The following CTPS2 variants were observed in gnomAD, a reference collection of about 807,000 sequenced individuals.
CTPS2 encodes CTP synthase II.
CTPS2 carries 19 observed loss-of-function variants against 46.8 expected under a neutral mutation model. The observed-to-expected ratio is 0.41, with a 90% confidence interval of 0.28 to 0.60. The LOEUF (loss-of-function observed/expected upper bound fraction) is 0.60. CTPS2 is among the 20% of genes least tolerant of loss of function. The pLI is 0.35. For synonymous variants in CTPS2, 151 were observed against 165.2 expected, an observed-to-expected ratio of 0.91 and a Z score of 0.66; for missense variants, 286 against 447.6, an observed-to-expected ratio of 0.64 and a Z score of 3.26.
intron 16 of CTPS2, 49 bp downstream of exon 16, chrX:16,617,101 C>T (rs750203421): frequency 3.8e-5 from 39 of 1,029,333 alleles, no homozygotes; most frequent in Non-Finnish European, 5.0e-5. Flanking sequence ...CTGTGGTCCA[C>T]AAAAAGGCAA....
chrX:16,599,808 T>G (rs1460734924), intron 17 of CTPS2, among the ~76,000 whole-genome samples: 2 of 101,817 alleles, frequency 2.0e-5, no homozygotes, highest in Non-Finnish European at 3.9e-5. Context: ...TGACACACAG[T>G]CTCACTCTGG....
intron 17 of CTPS2, among the ~76,000 whole-genome samples, chrX:16,593,646 A>C (rs1257443781): frequency 1.0e-5 from 1 of 98,867 alleles, no homozygotes; most frequent in Non-Finnish European, 2.0e-5. Context: ...TTGCATGCTC[A>C]CTTCCTTCTC....
At chrX:16,613,949 G>A (rs184079023) in intron 16 of CTPS2, among the ~76,000 whole-genome samples, 1 of 111,289 alleles carries the variant, frequency 9.0e-6, no homozygotes, top group East Asian at 2.8e-4. Context: ...GTGGGAGGTA[G>A]GGATGATAGT....
intron 10 of CTPS2, among the ~76,000 whole-genome samples, chrX:16,677,014 G>A (rs1290684929): frequency 2.9e-5 from 3 of 101,715 alleles, no homozygotes; most frequent in Non-Finnish European, 5.9e-5. Flanking sequence ...AGCCGAGATC[G>A]CACCACTGCA....
intron 8 of CTPS2, among the ~76,000 whole-genome samples, chrX:16,685,586 T>C (rs183766731): frequency 5.5e-5 from 6 of 108,310 alleles, no homozygotes; most frequent in Admixed American, 3.0e-4. Context: ...GGGCTGGGTG[T>C]GGTGGCTCAT....
chrX:16,597,722 T>G (rs1201866577), intron 17 of CTPS2, among the ~76,000 whole-genome samples: 2 of 111,392 alleles, frequency 1.8e-5, no homozygotes, highest in Non-Finnish European at 3.8e-5. Flanking sequence ...TTTTTCCAAT[T>G]CTGTGAAGAA....
At chrX:16,608,941 T>G (rs1203407576) in intron 17 of CTPS2, among the ~76,000 whole-genome samples, 1 of 111,440 alleles carries the variant, frequency 9.0e-6, no homozygotes, top group African/African-American at 3.3e-5. Context: ...GGGTTATTAT[T>G]TATATAATCT....
chrX:16,666,648 C>CA (rs1165713316), intron 13 of CTPS2, among the ~76,000 whole-genome samples: 4 of 110,180 alleles, frequency 3.6e-5, no homozygotes, highest in East Asian at 2.9e-4. Flanking sequence ...GAACTTGCCT[C>CA]AAAAAAACAC....
At chrX:16,626,754 T>C (rs1372595476) in intron 14 of CTPS2, among the ~76,000 whole-genome samples, 2 of 110,862 alleles carry the variant, frequency 1.8e-5, no homozygotes, top group Non-Finnish European at 3.8e-5. Flanking sequence ...AGCAGGTCTG[T>C]CTTCAGCTGC....
chrX:16,694,860 G>A (rs986889173), intron 4 of CTPS2, among the ~76,000 whole-genome samples: 4 of 111,766 alleles, frequency 3.6e-5, no homozygotes, highest in South Asian at 3.7e-4. Flanking sequence ...TGGGCATGGC[G>A]GCACGGCGCC....
intron 10 of CTPS2, among the ~76,000 whole-genome samples, chrX:16,672,134 G>A (rs1042272251): frequency 4.5e-5 from 5 of 111,318 alleles, no homozygotes; most frequent in African/African-American, 1.6e-4. Context: ...CTAAGAATAG[G>A]TTTGGCACTA....
At chrX:16,681,481 G>A (rs1347465944) in intron 9 of CTPS2, among the ~76,000 whole-genome samples, 1 of 111,709 alleles carries the variant, frequency 9.0e-6, no homozygotes, top group Non-Finnish European at 1.9e-5. Flanking sequence ...GTATCCAACT[G>A]GTAACAAGTG....
chrX:16,665,228 T>C (rs1312929099), intron 13 of CTPS2, among the ~76,000 whole-genome samples: 1 of 112,454 alleles, frequency 8.9e-6, no homozygotes, highest in African/African-American at 3.2e-5. Context: ...AAAACAGTCC[T>C]ACAGCTCCTC....
In CTPS2 at chrX:16,638,998, G is replaced by C. The variant is rs150074012; in HGVS notation, c.1393+149C>G. On this transcript the variant is annotated intron_variant, in intron 14 of 18. Coordinates refer to ENST00000359276, the MANE Select transcript of CTPS2 (RefSeq NM_175859.3). ...AATGCCCAGAGCAGAGGGTCAGTGA[G>C]GGCAGGGGAGATGGGAAGAGAGAGA... is the stretch of plus-strand genomic sequence containing the variant. 2.2e-5 allele frequency: 12 copies of C among 550,863 alleles called. No homozygotes were observed. In the South Asian group the frequency reaches 2.7e-4, roughly 13 times the overall value. 45.4% of individuals were successfully genotyped at this position (550,863 alleles called of 1,213,427 possible).
intron 13 of CTPS2, chrX:16,650,955 T>C: frequency 8.8e-7 from 1 of 1,130,962 alleles, no homozygotes; most frequent in Non-Finnish European, 1.2e-6. Flanking sequence ...CACAAAACTG[T>C]ACTTCAGCTT....
At chrX:16,593,256 C>T (rs1211202751) in intron 17 of CTPS2, among the ~76,000 whole-genome samples, 2 of 110,021 alleles carry the variant, frequency 1.8e-5, no homozygotes, top group East Asian at 5.7e-4. Context: ...GGTGAAACCC[C>T]AACTCTACTA....
intron 10 of CTPS2, among the ~76,000 whole-genome samples, chrX:16,673,521 G>A (rs1362907211): frequency 1.8e-4 from 20 of 110,278 alleles, no homozygotes; most frequent in Non-Finnish European, 3.8e-4. Context: ...TTGATATTTG[G>A]GTGCTTACAA....
intron 9 of CTPS2, 47 bp downstream of exon 9, chrX:16,683,047 A>C (rs1315591050): frequency 8.3e-7 from 1 of 1,199,614 alleles, no homozygotes; most frequent in Non-Finnish European, 1.1e-6. Flanking sequence ...AACATGTGCT[A>C]TTGGCATGAA....
intron 14 of CTPS2, among the ~76,000 whole-genome samples, chrX:16,630,488 A>G (rs1931406115): frequency 1.8e-5 from 2 of 110,289 alleles, no homozygotes; most frequent in South Asian, 7.8e-4. Context: ...TCCCAACCTC[A>G]GGTGATCCGC....
Sources: allele counts gnomAD v4.1 joint callset (sites outside exome capture counted in the v4.1 genomes callset), GRCh38; gene constraint gnomAD v4.1.1; transcripts MANE v1.5; gene names NCBI Gene and HGNC (gene_info 2026-07-23, HGNC 2026-07-21).